The following DEPTOR variants were observed in gnomAD, a reference collection of about 807,000 sequenced individuals.
DEPTOR encodes the protein DEP domain containing MTOR interacting protein.
DEPTOR carries 41 observed loss-of-function variants against 41.6 expected under a neutral mutation model. The observed-to-expected ratio is 0.98, with a 90% CI of 0.77 to 1.28. The LOEUF is 1.28. Among genes scored for constraint, DEPTOR ranks in the 50% most tolerant of loss-of-function variants. The pLI is 0.00. For missense variants in DEPTOR, 514 were observed against 527.9 expected, an observed-to-expected ratio of 0.97 and a Z score of 0.26; for synonymous variants, 195 against 192.3, an observed-to-expected ratio of 1.01 and a Z score of -0.12.
Position 119,991,034 on chromosome 8 carries a change from C to CTTTTCT in DEPTOR, c.605-10488_605-10487insTCTTTT, listed in dbSNP as rs762692903. Among the ~76,000 whole-genome samples the CTTTTCT allele has an allele frequency of 9.3e-4, 25 of 26,944 alleles. 1 individual carries two copies. Among genetic ancestry groups the CTTTTCT allele is most frequent in the South Asian group, 5.2e-3 (5 of 960 alleles). The allele number at this position is 26,944 out of a possible 152,430, so 17.7% of individuals were successfully genotyped here. On this transcript the variant is annotated intron_variant, in intron 4 of 8. Coordinates refer to ENST00000286234, the MANE Select transcript of DEPTOR (RefSeq NM_022783.4). The stretch of plus-strand genomic sequence containing the variant: ...TTAAGTACAGCTCGGGTTTTCTTTT[C>CTTTTCT]TTTCTTTCTTTCTTTCTTTCTTTCT...
At chr8:119,935,823 G>A (rs1029364587) in intron 3 of DEPTOR, among the ~76,000 whole-genome samples, 1 of 152,008 alleles carries the variant, frequency 6.6e-6, no homozygotes, top group Non-Finnish European at 1.5e-5. Context: ...GTGAGTGTGT[G>A]TTTGAGGTAC....
intron 3 of DEPTOR, among the ~76,000 whole-genome samples, chr8:119,948,109 T>C (rs1281011628): frequency 2.0e-5 from 3 of 152,356 alleles, no homozygotes; most frequent in Middle Eastern, 3.4e-3. Context: ...TCATCTTGTA[T>C]GTACCTGTAC....
At chr8:119,885,124 A>G (rs1827347088) in intron 1 of DEPTOR, among the ~76,000 whole-genome samples, 1 of 152,146 alleles carries the variant, frequency 6.6e-6, no homozygotes, top group African/African-American at 2.4e-5. Context: ...CCAAGAGGAA[A>G]GGAGAATGGG....
At chr8:119,906,436 A>T (rs1827664881) in intron 1 of DEPTOR, among the ~76,000 whole-genome samples, 1 of 152,114 alleles carries the variant, frequency 6.6e-6, no homozygotes, top group African/African-American at 2.4e-5. Context: ...AGCCTGAGTG[A>T]CAGAATGAGA....
At chr8:120,019,618 G>A (rs1254798601) in intron 8 of DEPTOR, among the ~76,000 whole-genome samples, 1 of 152,128 alleles carries the variant, frequency 6.6e-6, no homozygotes, top group East Asian at 1.9e-4. Context: ...GGATATGTGT[G>A]GTGTCTTCCT....
At chr8:119,904,032 A>C (rs1376949745) in intron 1 of DEPTOR, among the ~76,000 whole-genome samples, 1 of 152,058 alleles carries the variant, frequency 6.6e-6, no homozygotes, top group Non-Finnish European at 1.5e-5. Flanking sequence ...CCCCACCCCA[A>C]AGTGCCTCTA....
At chr8:120,006,681 A>G in intron 6 of DEPTOR, 124 bp from the exon 7 acceptor site, 1 of 730,642 alleles carries the variant, frequency 1.4e-6, no homozygotes, top group Non-Finnish European at 2.4e-6. Flanking sequence ...ATAAACTGTG[A>G]GGCAGGGATC....
At chr8:119,909,668 G>C (rs1389912869) in intron 1 of DEPTOR, among the ~76,000 whole-genome samples, 1 of 152,258 alleles carries the variant, frequency 6.6e-6, no homozygotes, top group African/African-American at 2.4e-5. Flanking sequence ...GTTTTGATGA[G>C]TGAAAAATCT....
chr8:119,936,010 T>G (rs1045429767), intron 3 of DEPTOR, among the ~76,000 whole-genome samples: 3 of 151,252 alleles, frequency 2.0e-5, no homozygotes, highest in Non-Finnish European at 4.4e-5. Flanking sequence ...TTTTTTTTTT[T>G]TTTTTTTTTA....
At chr8:119,911,907 T>A (rs1482237730) in intron 1 of DEPTOR, among the ~76,000 whole-genome samples, 1 of 152,220 alleles carries the variant, frequency 6.6e-6, no homozygotes, top group Non-Finnish European at 1.5e-5. Context: ...CAAACCTTTA[T>A]ACTCACGAAG....
At chr8:119,905,176 A>G (rs1827646504) in intron 1 of DEPTOR, among the ~76,000 whole-genome samples, 1 of 152,066 alleles carries the variant, frequency 6.6e-6, no homozygotes, top group African/African-American at 2.4e-5. Flanking sequence ...CCTTGATGGC[A>G]ATATGAAAAC....
chr8:120,009,276 T>C (rs991722982), intron 8 of DEPTOR, 143 bp downstream of exon 8: 4 of 740,706 alleles, frequency 5.4e-6, no homozygotes, highest in Non-Finnish European at 8.7e-6. Context: ...TTCTCCAAAG[T>C]CTTTAACCTT....
At chr8:119,937,214 A>G (rs1329623363) in intron 3 of DEPTOR, among the ~76,000 whole-genome samples, 1 of 152,006 alleles carries the variant, frequency 6.6e-6, no homozygotes, top group Non-Finnish European at 1.5e-5. Context: ...AGCCTGACCA[A>G]TATGGTGAAA....
intron 1 of DEPTOR, among the ~76,000 whole-genome samples, chr8:119,909,354 G>A (rs1003845184): frequency 1.3e-5 from 2 of 152,178 alleles, no homozygotes; most frequent in Non-Finnish European, 2.9e-5. Flanking sequence ...ATCTTTAGAA[G>A]ACACTGTCTT....
chr8:119,940,787 C>T (rs1828193446), intron 3 of DEPTOR, among the ~76,000 whole-genome samples: 1 of 152,030 alleles, frequency 6.6e-6, no homozygotes. Flanking sequence ...ATTATTCTGA[C>T]ACATGCTTCA....
In DEPTOR at chr8:120,050,843, C is replaced by T. The variant is rs975752320; in HGVS notation, c.*1139C>T. ...GTCAGGAAATACTAAATTCTTCATT[C>T]CAAATAATGGATCTGAATGATGACG... On this transcript the variant is annotated 3_prime_UTR_variant, in exon 9 of 9. Coordinates refer to ENST00000286234, the MANE Select transcript of DEPTOR (RefSeq NM_022783.4). 2.0e-5 allele frequency: 3 copies of T among 151,956 alleles called. No homozygotes were observed. The highest frequency in any genetic ancestry group is 7.2e-5 in the African/African-American group (3 of 41,384). 9.4% of individuals were successfully genotyped at this position (151,956 alleles called of 1,614,324 possible). A position where few individuals can be genotyped will look rare whatever the true frequency, so the allele number is the denominator to read the frequency against.
At chr8:119,896,675 T>G (rs755734859) in intron 1 of DEPTOR, among the ~76,000 whole-genome samples, 1 of 152,046 alleles carries the variant, frequency 6.6e-6, no homozygotes, top group Non-Finnish European at 1.5e-5. Flanking sequence ...TTTTTGTATT[T>G]TTAGTAGAGA....
Position 119,884,754 on chromosome 8 carries a change from C to T in DEPTOR, c.122+10786C>T, listed in dbSNP as rs370683791. On this transcript the variant is annotated intron_variant, in intron 1 of 8. Coordinates refer to ENST00000286234, the MANE Select transcript of DEPTOR (RefSeq NM_022783.4). ...TTTTTCTTTTTTGGAGATAGAGTCT[C>T]TCTCTGTTGCTCAGGCTGGAGTGTG... Among the ~76,000 whole-genome samples the T allele has an allele frequency of 5.8e-4, 88 of 151,830 alleles. 1 individual carries two copies. Among genetic ancestry groups the T allele is most frequent in the African/African-American group, 2.0e-3 (81 of 41,394 alleles).
Position 120,008,078 on chromosome 8 carries a change from G to C in DEPTOR, c.997-951G>C, listed in dbSNP as rs1422261863. On this transcript the variant is annotated intron_variant, in intron 7 of 8. Coordinates refer to ENST00000286234, the MANE Select transcript of DEPTOR (RefSeq NM_022783.4). ...TAGGAGCTGTCCAGGGAATTAAACT[G>C]CCAGCTCTAATAATGATTTCTATAG... Among the ~76,000 whole-genome samples the C allele has an allele frequency of 2.0e-5, 3 of 152,222 alleles. No individual in the cohort carries two copies. The East Asian group carries it at 5.8e-4, about 29-fold the overall frequency.
Sources: gnomAD v4.1 joint callset for allele counts (sites outside exome capture counted in the v4.1 genomes callset) on GRCh38, gnomAD v4.1.1 for gene constraint, MANE v1.5 for transcripts, NCBI Gene and HGNC (gene_info 2026-07-23, HGNC 2026-07-21) for gene names.